KANSL1L: variants seen among roughly 807,000 people sequenced by gnomAD.
KANSL1L encodes KAT8 regulatory NSL complex subunit 1-like protein.
In KANSL1L, 25 loss-of-function variants were observed where a neutral mutation model predicts 108.6. That is an observed-to-expected ratio of 0.23 (90% CI 0.17 to 0.32). The LOEUF (loss-of-function observed/expected upper bound fraction) is 0.32, where lower values mean the gene tolerates loss of function less well. KANSL1L is among the 10% of genes least tolerant of loss of function. The pLI, the probability that KANSL1L is intolerant of heterozygous loss-of-function variation, is 1.00. For synonymous variants in KANSL1L, 405 were observed against 395.1 expected (o/e 1.03, Z -0.30); for missense variants, 1,137 against 1,125.7 (o/e 1.01, Z -0.14).
intron 1 of KANSL1L, among the ~76,000 whole-genome samples, chr2:210,166,019 G>C (rs906163402): frequency 6.6e-6 from 1 of 152,004 alleles, no homozygotes; most frequent in Non-Finnish European, 1.5e-5. Flanking sequence ...TGTATGGTTA[G>C]AAAAAAATAA....
At chr2:210,073,162 C>A (rs750209024) in intron 6 of KANSL1L, among the ~76,000 whole-genome samples, 1 of 152,116 alleles carries the variant, frequency 6.6e-6, no homozygotes, top group Non-Finnish European at 1.5e-5. Flanking sequence ...CACTTCCTTG[C>A]TTTCTGTTAA....
chr2:210,106,355 C>T (rs907165052), intron 3 of KANSL1L, among the ~76,000 whole-genome samples: 1 of 152,166 alleles, frequency 6.6e-6, no homozygotes, highest in Non-Finnish European at 1.5e-5. Context: ...TATAAATCTG[C>T]ATCTATGGGA....
chr2:210,048,596 C>T (rs894691420), intron 6 of KANSL1L, among the ~76,000 whole-genome samples: 1 of 151,968 alleles, frequency 6.6e-6, no homozygotes, highest in African/African-American at 2.4e-5. Context: ...CACACACATA[C>T]ATATACACAT....
intron 1 of KANSL1L, among the ~76,000 whole-genome samples, chr2:210,168,568 A>G (rs887069179): frequency 6.6e-6 from 1 of 152,078 alleles, no homozygotes; most frequent in African/African-American, 2.4e-5. Context: ...CTTTACGTTA[A>G]TTTCATAGAA....
intron 2 of KANSL1L, among the ~76,000 whole-genome samples, chr2:210,149,356 A>T (rs890889759): frequency 2.0e-5 from 3 of 152,182 alleles, no homozygotes; most frequent in Non-Finnish European, 4.4e-5. Flanking sequence ...AATTAAGTTG[A>T]AGTCAACTTT....
At chr2:210,130,778 T>C (rs1339850254) in intron 2 of KANSL1L, among the ~76,000 whole-genome samples, 2 of 151,712 alleles carry the variant, frequency 1.3e-5, no homozygotes, top group African/African-American at 2.4e-5. Context: ...CGTAGCATTT[T>C]ACACAGGTGA....
chr2:210,118,721 C>T (rs889077380), intron 3 of KANSL1L, among the ~76,000 whole-genome samples: 2 of 151,680 alleles, frequency 1.3e-5, no homozygotes, highest in Non-Finnish European at 2.9e-5. Flanking sequence ...GTGGTGTGTG[C>T]CTGTGGTCCC....
intron 6 of KANSL1L, among the ~76,000 whole-genome samples, chr2:210,073,516 C>T (rs1049630669): frequency 3.3e-5 from 5 of 150,162 alleles, no homozygotes; most frequent in Non-Finnish European, 5.9e-5. Flanking sequence ...GGCAACATAG[C>T]GAGATGTCTA....
Position 210,044,284 on chromosome 2 carries a change from G to A in KANSL1L, c.1756-180C>T. On this transcript the variant is annotated intron_variant, in intron 6 of 14. Coordinates refer to ENST00000281772, the MANE Select transcript of KANSL1L (RefSeq NM_152519.4). The surrounding 1 kb of genome is among the most constrained non-coding windows in gnomAD (Gnocchi z 4.2). ...TTATTAATTCAATCATAAAAGGGAT[G>A]TAAAAATATAATTAACTTTTATATA... Among the ~76,000 whole-genome samples the A allele has an allele frequency of 6.6e-6, 1 of 152,094 alleles. No homozygotes were observed. Among genetic ancestry groups the A allele is most frequent in the Non-Finnish European group, 1.5e-5 (1 of 68,012 alleles).
At chr2:210,038,871 T>C (rs549445395) in intron 8 of KANSL1L, among the ~76,000 whole-genome samples, 1 of 152,078 alleles carries the variant, frequency 6.6e-6, no homozygotes, top group East Asian at 1.9e-4. Context: ...ACCTACCTTA[T>C]AGAATTATAC....
rs60144283 is a variant in KANSL1L at position 210,079,612 on chromosome 2, GTATATA to G, written c.1551-3862_1551-3857del. On this transcript the variant is annotated intron_variant, in intron 5 of 14. Transcript: ENST00000281772. ...TCTCAAAAAAAAAAAATATGTATGT[GTATATA>G]TATATATATATATATATATATATAT... is the stretch of plus-strand genomic sequence containing the variant. Among the ~76,000 whole-genome samples, 314 of 65,472 alleles carry G rather than the reference GTATATA, an allele frequency of 4.8e-3. 7 individuals carry two copies. Among genetic ancestry groups the G allele is most frequent in the African/African-American group, 0.018 (195 of 10,574 alleles). The allele number at this position is 65,472 out of a possible 152,430, so 43.0% of individuals were successfully genotyped here. A position where few individuals can be genotyped will look rare whatever the true frequency, so the allele number is the denominator to read the frequency against.
At chr2:210,074,158 A>G (rs182059772) in intron 6 of KANSL1L, among the ~76,000 whole-genome samples, 1 of 152,290 alleles carries the variant, frequency 6.6e-6, no homozygotes, top group Non-Finnish European at 1.5e-5. Context: ...TTGGGGTGAC[A>G]ATATGGGAGA....
intron 6 of KANSL1L, among the ~76,000 whole-genome samples, chr2:210,071,509 T>C (rs2094507540): frequency 6.6e-6 from 1 of 152,040 alleles, no homozygotes; most frequent in Non-Finnish European, 1.5e-5. Flanking sequence ...CCTCAGGTGA[T>C]CCACCCCCCT....
In KANSL1L at chr2:210,021,650, AGT is replaced by A. The variant is rs2093857886; in HGVS notation, c.*1297_*1298del. Reference sequence around the variant, plus strand: ...AATTTCCAATCTCTAACAAAAACTTAGTGTCAAATCTCACAGATAAGGCCAAA... The same window carrying A: ...AATTTCCAATCTCTAACAAAAACTTAGTCAAATCTCACAGATAAGGCCAAA... On this transcript the variant is annotated 3_prime_UTR_variant, in exon 15 of 15. Transcript: ENST00000281772. 6.6e-6 allele frequency: 1 copy of A among 152,566 alleles called. No homozygotes were observed. Among genetic ancestry groups the A allele is most frequent in the South Asian group, 2.1e-4 (1 of 4,838 alleles). 9.5% of individuals were successfully genotyped at this position (152,566 alleles called of 1,614,324 possible).
chr2:210,156,637 C>G (rs1025485397), intron 1 of KANSL1L, among the ~76,000 whole-genome samples: 1 of 151,986 alleles, frequency 6.6e-6, no homozygotes, highest in Non-Finnish European at 1.5e-5. Context: ...ACATTTGTGT[C>G]TGTTTGCAAG....
At chr2:210,112,295 T>C (rs910117403) in intron 3 of KANSL1L, among the ~76,000 whole-genome samples, 1 of 152,136 alleles carries the variant, frequency 6.6e-6, no homozygotes, top group African/African-American at 2.4e-5. Context: ...TAGCCATATG[T>C]AGAAAACTGA....
chr2:210,047,059 G>T (rs2094231823), intron 6 of KANSL1L, among the ~76,000 whole-genome samples: 1 of 151,620 alleles, frequency 6.6e-6, no homozygotes. Context: ...GCCTATGCTG[G>T]GAGGGGCAGC....
chr2:210,111,274 T>C (rs1215864690), intron 3 of KANSL1L, among the ~76,000 whole-genome samples: 3 of 151,998 alleles, frequency 2.0e-5, no homozygotes, highest in African/African-American at 7.2e-5. Context: ...AAACAAATTA[T>C]AGTACAATCC....
At chr2:210,159,272 T>TA (rs2095349436) in intron 1 of KANSL1L, among the ~76,000 whole-genome samples, 1 of 152,222 alleles carries the variant, frequency 6.6e-6, no homozygotes, top group Non-Finnish European at 1.5e-5. Context: ...GACTTTGTGT[T>TA]TGCTATTCTC....
Sources: allele counts gnomAD v4.1 joint callset (sites outside exome capture counted in the v4.1 genomes callset), GRCh38; gene constraint gnomAD v4.1.1; non-coding constraint Gnocchi (gnomAD v3.1); transcripts MANE v1.5; gene names NCBI Gene and HGNC (gene_info 2026-07-23, HGNC 2026-07-21).